NCKAP5: variants seen among roughly 807,000 people sequenced by gnomAD.
NCKAP5 encodes the protein NCK associated protein 5, also known as nck-associated protein 5.
NCKAP5 carries 92 observed loss-of-function variants against 167.0 expected under a neutral mutation model. The observed-to-expected ratio is 0.55, with a 90% CI of 0.47 to 0.66. NCKAP5 has a LOEUF of 0.66. NCKAP5 is among the 30% of genes least tolerant of loss of function. The pLI, the probability that NCKAP5 is intolerant of heterozygous loss-of-function variation, is 0.00. For synonymous variants in NCKAP5, 891 were observed against 877.4 expected (o/e 1.02, Z -0.27); for missense variants, 2,378 against 2,315.0 (o/e 1.03, Z -0.56).
the NCKAP5 span, among the ~76,000 whole-genome samples, chr2:133,625,159 T>C: frequency 6.6e-6 from 1 of 152,214 alleles, no homozygotes; most frequent in Non-Finnish European, 1.5e-5. Flanking sequence ...AATTATGTTG[T>C]TGTCATTGAA....
At chr2:132,868,228 C>T (rs1690510648) in intron 10 of NCKAP5, among the ~76,000 whole-genome samples, 1 of 152,074 alleles carries the variant, frequency 6.6e-6, no homozygotes, top group South Asian at 2.1e-4. Context: ...TAAAATTTAG[C>T]TTCTCAGAAA....
At chr2:132,779,717 C>T (rs1049236756) in intron 15 of NCKAP5, among the ~76,000 whole-genome samples, 3 of 151,644 alleles carry the variant, frequency 2.0e-5, no homozygotes, top group Admixed American at 6.6e-5. Context: ...AAAATTTAAA[C>T]ATCCATTTCT....
chr2:133,025,824 T>C (rs187248278), intron 6 of NCKAP5, among the ~76,000 whole-genome samples: 14 of 152,316 alleles, frequency 9.2e-5, no homozygotes, highest in Admixed American at 9.2e-4. Context: ...AACATATTAT[T>C]TTAAAAAATT....
At chr2:133,254,040 C>T (rs1263702293) in intron 4 of NCKAP5, among the ~76,000 whole-genome samples, 2 of 152,112 alleles carry the variant, frequency 1.3e-5, no homozygotes, top group African/African-American at 4.8e-5. Flanking sequence ...GGAAACATGC[C>T]TAAAAAATTT....
At chr2:133,295,425 T>C (rs932396343) in intron 4 of NCKAP5, among the ~76,000 whole-genome samples, 2 of 152,166 alleles carry the variant, frequency 1.3e-5, no homozygotes, top group Non-Finnish European at 2.9e-5. Context: ...AGTTCTACAA[T>C]TAAAACAAAA....
chr2:133,591,129 G>C, the NCKAP5 span, among the ~76,000 whole-genome samples: 1 of 152,170 alleles, frequency 6.6e-6, no homozygotes, highest in Admixed American at 6.5e-5. Flanking sequence ...AGGAACCAGT[G>C]AGTGCGGGGA....
At chr2:133,330,193 A>T (rs1285096841) in intron 3 of NCKAP5, among the ~76,000 whole-genome samples, 1 of 147,394 alleles carries the variant, frequency 6.8e-6, no homozygotes, top group Non-Finnish European at 1.5e-5. Flanking sequence ...CAGCCTCCTG[A>T]ATATGGGTTT....
At chr2:132,699,411 T>C (rs1173176446) in intron 19 of NCKAP5, among the ~76,000 whole-genome samples, 1 of 152,158 alleles carries the variant, frequency 6.6e-6, no homozygotes, top group Non-Finnish European at 1.5e-5. Flanking sequence ...ACATGTGCCA[T>C]GTTGGTGTGC....
rs550544541 is a variant in NCKAP5, at chr2:132,696,337, C to T, written c.5714-23032G>A. On this transcript the variant is annotated intron_variant, in intron 19 of 19. Coordinates refer to ENST00000409261, the MANE Select transcript of NCKAP5 (RefSeq NM_207363.3). Reference sequence around the variant, plus strand: ...ATGGAGATGTTTCAATTTTTGTGAGCAGTTAATGCTATTATTATTTTTATT... The same window carrying T: ...ATGGAGATGTTTCAATTTTTGTGAGTAGTTAATGCTATTATTATTTTTATT... Among the ~76,000 whole-genome samples, 9 of 152,318 alleles carry T rather than the reference C, an allele frequency of 5.9e-5. No individual in the cohort carries two copies. In the South Asian group the frequency reaches 1.0e-3, roughly 18 times the overall value.
intron 7 of NCKAP5, among the ~76,000 whole-genome samples, chr2:132,990,704 C>T (rs989334409): frequency 6.6e-6 from 1 of 152,150 alleles, no homozygotes; most frequent in Non-Finnish European, 1.5e-5. Flanking sequence ...AAGATAGAGG[C>T]AAGGGCCACA....
chr2:133,493,412 C>T (rs963131159), intron 3 of NCKAP5, among the ~76,000 whole-genome samples: 2 of 152,150 alleles, frequency 1.3e-5, no homozygotes, highest in Non-Finnish European at 2.9e-5. Context: ...TCACGTAACC[C>T]TCACCATGAC....
At chr2:133,277,903 A>G (rs1429573475) in intron 4 of NCKAP5, among the ~76,000 whole-genome samples, 1 of 152,210 alleles carries the variant, frequency 6.6e-6, no homozygotes, top group Non-Finnish European at 1.5e-5. Flanking sequence ...CTTTTTAAAC[A>G]AACAGTGCTG....
intron 5 of NCKAP5, among the ~76,000 whole-genome samples, chr2:133,189,202 T>C (rs1052576140): frequency 2.0e-5 from 3 of 152,158 alleles, no homozygotes; most frequent in Middle Eastern, 3.2e-3. Flanking sequence ...GATAAATTCC[T>C]GGACACATAC....
intron 6 of NCKAP5, among the ~76,000 whole-genome samples, chr2:133,111,348 C>T (rs2081904245): frequency 3.3e-5 from 5 of 152,206 alleles, no homozygotes; most frequent in Admixed American, 3.3e-4. Flanking sequence ...TTGGCTAAAA[C>T]CACACCTAAT....
In NCKAP5 at chr2:132,979,990, C is replaced by CT. The variant is rs1179720276; in HGVS notation, c.429+14161dup. On this transcript the variant is annotated intron_variant, in intron 7 of 19. Transcript: ENST00000409261. ...TGATTTTTTTTTTCTTTTTCTTTTTCTTTTTCTTTTTTTTTTTTTTTGAGA... is the reference window on the plus strand; with the variant it reads ...TGATTTTTTTTTTCTTTTTCTTTTTCTTTTTTCTTTTTTTTTTTTTTTGAGA... Among the ~76,000 whole-genome samples, 284 of 145,644 alleles carry CT rather than the reference C, an allele frequency of 1.9e-3. 1 individual carries two copies. Among genetic ancestry groups the CT allele is most frequent in the African/African-American group, 7.3e-3 (271 of 37,244 alleles).
chr2:132,949,085 C>CA (rs1329463131), intron 8 of NCKAP5, among the ~76,000 whole-genome samples: 1 of 105,894 alleles, frequency 9.4e-6, no homozygotes, highest in Non-Finnish European at 1.8e-5. Flanking sequence ...ACCCACCCCC[C>CA]ACCCTGCCCC....
chr2:132,849,786 G>A (rs185817847), intron 11 of NCKAP5, among the ~76,000 whole-genome samples: 5 of 152,230 alleles, frequency 3.3e-5, no homozygotes, highest in Non-Finnish European at 7.4e-5. Context: ...ATGCCTCCTT[G>A]GAGTTCAATG....
chr2:133,470,717 G>T (rs573148996), intron 3 of NCKAP5, among the ~76,000 whole-genome samples: 9 of 152,216 alleles, frequency 5.9e-5, no homozygotes, highest in Non-Finnish European at 1.2e-4. Flanking sequence ...CTCGTGGTGC[G>T]CCGTTTTTTA....
At chr2:133,446,059 G>A (rs748173889) in intron 3 of NCKAP5, among the ~76,000 whole-genome samples, 12 of 152,154 alleles carry the variant, frequency 7.9e-5, no homozygotes. Flanking sequence ...AGACAGACTT[G>A]CAAAGAGAGG....
Sources: gnomAD v4.1 joint callset for allele counts (sites outside exome capture counted in the v4.1 genomes callset) on GRCh38, gnomAD v4.1.1 for gene constraint, MANE v1.5 for transcripts, NCBI Gene and HGNC (gene_info 2026-07-23, HGNC 2026-07-21) for gene names.